Variants in SPI1 observed in about 807,000 individuals in gnomAD.
The protein encoded by SPI1 is transcription factor PU.1.
In SPI1, 3 loss-of-function variants were observed where a neutral mutation model predicts 30.7. The observed-to-expected ratio is 0.10, with a 90% CI of 0.04 to 0.25. SPI1 has a LOEUF of 0.25. SPI1 is among the 10% of genes least tolerant of loss of function. SPI1 has a pLI of 1.00. For missense variants in SPI1, 261 were observed against 371.5 expected, an observed-to-expected ratio of 0.70 and a Z score of 2.45; for synonymous variants, 169 against 157.1, an observed-to-expected ratio of 1.08 and a Z score of -0.56.
intron 2 of SPI1, among the ~76,000 whole-genome samples, chr11:47,368,514 C>T (rs1449330831): frequency 1.3e-5 from 2 of 152,198 alleles, no homozygotes; most frequent in African/African-American, 2.4e-5. Flanking sequence ...AAGTGTCGGA[C>T]GGCTGGATAC....
intron 2 of SPI1, among the ~76,000 whole-genome samples, chr11:47,368,554 C>T (rs1333410013): frequency 2.6e-5 from 4 of 152,158 alleles, no homozygotes; most frequent in Admixed American, 6.5e-5. Context: ...CAAAACGTGG[C>T]GCGCGCATAC....
chr11:47,355,258 C>T lies in SPI1; in HGVS notation c.782G>A (p.Gly261Asp), dbSNP rs755083366. 4 of 1,484,928 alleles carry T rather than the reference C, an allele frequency of 2.7e-6. No homozygotes were observed. The African/African-American group carries it at 4.3e-5, about 16-fold the overall frequency. The allele number at this position is 1,484,928 out of a possible 1,614,324, so 92.0% of individuals were successfully genotyped here. Residue 261 changes from glycine to aspartate, a missense_variant, in exon 5 of 5, where the codon GGC becomes GAC. By Grantham distance (94) the Gly-to-Asp change is moderately conservative. Coordinates refer to ENST00000378538, the MANE Select transcript of SPI1 (RefSeq NM_003120.3). ...QFSGEVLGRGGLAERRHPPH is the reference protein window; with the variant it reads ...QFSGEVLGRGDLAERRHPPH ...GGGCGGGTGGCGCCGCTCGGCCAGGCCCCCGCGGCCCAGCACTTCGCCGCT... is the reference window on the plus strand; with the variant it reads ...GGGCGGGTGGCGCCGCTCGGCCAGGTCCCCGCGGCCCAGCACTTCGCCGCT...
At chr11:47,378,209 G>A in intron 1 of SPI1, 100 bp downstream of exon 1, 2 of 1,295,828 alleles carry the variant, frequency 1.5e-6, no homozygotes, top group Non-Finnish European at 2.2e-6. Context: ...CCCACTGATA[G>A]CAAGCCAGGA....
intron 2 of SPI1, among the ~76,000 whole-genome samples, chr11:47,371,118 T>C (rs937988455): frequency 6.6e-5 from 10 of 152,016 alleles, no homozygotes; most frequent in African/African-American, 2.2e-4. Context: ...CCCAGCACTT[T>C]GGGAGGCCAA....
chr11:47,360,068 G>A (rs1429307475), intron 2 of SPI1, 28 bp from the exon 3 acceptor site: 1 of 1,513,776 alleles, frequency 6.6e-7, no homozygotes, highest in Admixed American at 2.0e-5. Context: ...GCAGTATGGG[G>A]TGAGCTCAGG....
intron 2 of SPI1, among the ~76,000 whole-genome samples, chr11:47,369,545 CAA>C (rs1172503191): frequency 1.4e-5 from 1 of 71,890 alleles, no homozygotes; most frequent in African/African-American, 5.3e-5. Flanking sequence ...AGAAAGAAAA[CAA>C]AAGAGAGAGA....
At chr11:47,373,616 C>T (rs1042127403) in intron 2 of SPI1, among the ~76,000 whole-genome samples, 12 of 151,156 alleles carry the variant, frequency 7.9e-5, no homozygotes, top group Admixed American at 2.6e-4. Flanking sequence ...CCACTGCGCT[C>T]TAGCCTGGGC....
intron 2 of SPI1, among the ~76,000 whole-genome samples, chr11:47,361,317 C>A (rs1595858336): frequency 6.6e-6 from 1 of 152,082 alleles, no homozygotes; most frequent in Non-Finnish European, 1.5e-5. Flanking sequence ...GGTGGCCCTT[C>A]CTCTTCAAAG....
intron 4 of SPI1, among the ~76,000 whole-genome samples, chr11:47,357,439 TCA>T (rs536411279): frequency 2.0e-4 from 31 of 151,932 alleles, no homozygotes; most frequent in East Asian, 7.8e-4. Flanking sequence ...ACACGCCTGT[TCA>T]CACACAACCA....
At chr11:47,358,725 G>GCACACA (rs3832728) in intron 4 of SPI1, 119 bp downstream of exon 4, 4 of 943,314 alleles carry the variant, frequency 4.2e-6, no homozygotes, top group African/African-American at 3.3e-5. Flanking sequence ...TGGCAAACAT[G>GCACACA]CACACACACA....
At chr11:47,370,124 C>T (rs957078085) in intron 2 of SPI1, among the ~76,000 whole-genome samples, 19 of 152,160 alleles carry the variant, frequency 1.2e-4, no homozygotes, top group Non-Finnish European at 1.6e-4. Flanking sequence ...GGATGAGGCC[C>T]GGGGACAGTG....
rs550660139 is a variant in SPI1 at position 47,357,738 on chromosome 11, G to A, written c.493+1106C>T. ...TCACCACCACGCCTGACTAATTTTT[G>A]TATTTTTAGTGGAGACGGGGTTTCG... is the stretch of plus-strand genomic sequence containing the variant. On this transcript the variant is annotated intron_variant, in intron 4 of 4. Coordinates refer to ENST00000378538, the MANE Select transcript of SPI1 (RefSeq NM_003120.3). Among the ~76,000 whole-genome samples the A allele has an allele frequency of 5.9e-5, 9 of 152,296 alleles. No homozygotes were observed. The South Asian group carries it at 1.9e-3, about 32-fold the overall frequency.
intron 4 of SPI1, among the ~76,000 whole-genome samples, chr11:47,355,893 TCACA>T (rs560669422): frequency 1.4e-5 from 2 of 145,336 alleles, no homozygotes; most frequent in Non-Finnish European, 1.5e-5. Context: ...CCACACCCAC[TCACA>T]CACGTGCTCA....
At chr11:47,377,640 GT>G (rs1055497670) in intron 1 of SPI1, among the ~76,000 whole-genome samples, 17 of 152,016 alleles carry the variant, frequency 1.1e-4, no homozygotes, top group African/African-American at 3.4e-4. Flanking sequence ...TCCTGGCCTT[GT>G]CCCAGCCCTG....
At chr11:47,370,478 C>T (rs180710864) in intron 2 of SPI1, among the ~76,000 whole-genome samples, 4 of 150,892 alleles carry the variant, frequency 2.7e-5, no homozygotes, top group African/African-American at 9.7e-5. Context: ...CCGAGGCGGG[C>T]AGATCACTAG....
intron 2 of SPI1, among the ~76,000 whole-genome samples, chr11:47,372,822 A>C (rs1217388622): frequency 1.3e-5 from 2 of 152,114 alleles, no homozygotes; most frequent in African/African-American, 4.8e-5. Flanking sequence ...CAGCCCTAGG[A>C]GGTAAGTATT....
intron 1 of SPI1, among the ~76,000 whole-genome samples, chr11:47,376,740 G>A (rs907839028): frequency 1.3e-5 from 2 of 152,114 alleles, no homozygotes; most frequent in African/African-American, 2.4e-5. Context: ...ACAGTCATCA[G>A]GCCTCCCCGC....
At position 47,358,835 on chromosome 11, in the gene SPI1, G is replaced by A. The variant is rs1207611798; in HGVS notation, c.493+9C>T. ...GGTCGGGGCCAGGGTGGAGGGCCAG[G>A]TGCCCCACCTGTCTCCCCAGGCAGG... On this transcript the variant is annotated intron_variant, in intron 4 of 4. Transcript: ENST00000378538. 6.5e-7 allele frequency: 1 copy of A among 1,548,142 alleles called. No homozygotes were observed. The highest frequency in any genetic ancestry group is 1.4e-5 in the African/African-American group (1 of 73,204).
intron 2 of SPI1, among the ~76,000 whole-genome samples, chr11:47,368,921 G>T (rs2142893090): frequency 6.6e-6 from 1 of 152,208 alleles, no homozygotes; most frequent in South Asian, 2.1e-4. Context: ...TTTAAAAAAT[G>T]GTTAATATTA....
Sources: gnomAD v4.1 joint callset for allele counts (sites outside exome capture counted in the v4.1 genomes callset) on GRCh38, gnomAD v4.1.1 for gene constraint, MANE v1.5 for transcripts, NCBI Gene and HGNC (gene_info 2026-07-23, HGNC 2026-07-21) for gene names.